MEF2A: variants seen among roughly 807,000 people sequenced by gnomAD.
The protein encoded by MEF2A is myocyte enhancer factor 2A.
Under a neutral mutation model 55.8 loss-of-function variants are expected in MEF2A, and 28 were observed. That is an observed-to-expected ratio of 0.50 (90% CI 0.37 to 0.69). The LOEUF is 0.69. MEF2A is among the 30% of genes least tolerant of loss of function. MEF2A has a pLI of 0.00. For missense variants in MEF2A, 528 were observed against 626.2 expected, an observed-to-expected ratio of 0.84 and a Z score of 1.67; for synonymous variants, 239 against 227.1, an observed-to-expected ratio of 1.05 and a Z score of -0.47.
chr15:99,606,926 A>G (rs979245209), intron 2 of MEF2A, among the ~76,000 whole-genome samples: 1 of 152,196 alleles, frequency 6.6e-6, no homozygotes, highest in African/African-American at 2.4e-5. Context: ...GATGTTCATC[A>G]TAGTTGGCTA....
intron 1 of MEF2A, among the ~76,000 whole-genome samples, chr15:99,587,964 A>C (rs923308045): frequency 2.0e-5 from 3 of 152,154 alleles, no homozygotes; most frequent in African/African-American, 7.2e-5. Context: ...TAAAATAGCA[A>C]TTAAAAATGG....
intron 4 of MEF2A, among the ~76,000 whole-genome samples, chr15:99,664,822 T>G (rs1056560801): frequency 2.0e-5 from 3 of 152,206 alleles, no homozygotes; most frequent in African/African-American, 7.2e-5. Flanking sequence ...GTTGGGATTA[T>G]AAATCTTCCA....
At chr15:99,708,123 C>T (rs1219742791) in intron 10 of MEF2A, among the ~76,000 whole-genome samples, 3 of 152,202 alleles carry the variant, frequency 2.0e-5, no homozygotes, top group Non-Finnish European at 2.9e-5. Context: ...AATTCTGTTT[C>T]GACGCATTGA....
At chr15:99,629,593 G>A (rs994909309) in intron 2 of MEF2A, among the ~76,000 whole-genome samples, 6 of 152,274 alleles carry the variant, frequency 3.9e-5, no homozygotes, top group African/African-American at 1.4e-4. Context: ...AGGAATGTGA[G>A]CTGGTACTGA....
At chr15:99,681,853 A>G (rs868807655) in intron 7 of MEF2A, 1 of 152,344 alleles carries the variant, frequency 6.6e-6, no homozygotes, top group Middle Eastern at 3.4e-3. Context: ...ATAAGTTGAG[A>G]TAACTCACTG....
rs192371975 is a variant in MEF2A at position 99,688,901 on chromosome 15, G to T, written c.671-1340G>T. On this transcript the variant is annotated intron_variant, in intron 7 of 11. Transcript: ENST00000557942. ...CACATCCAGTCACTGTGGTGAGCGA[G>T]AATGACCTGAGTCAAATGCCTATCA... Among the ~76,000 whole-genome samples, 16 of 152,300 alleles carry T rather than the reference G, an allele frequency of 1.1e-4. No homozygotes were observed. In the East Asian group the frequency reaches 2.9e-3, roughly 28 times the overall value.
intron 2 of MEF2A, among the ~76,000 whole-genome samples, chr15:99,599,990 C>T (rs1160758644): frequency 6.6e-6 from 1 of 152,074 alleles, no homozygotes; most frequent in East Asian, 1.9e-4. Context: ...ATATAAGAGA[C>T]TTGAGTGTCC....
At chr15:99,578,378 C>T (rs1246940762) in intron 1 of MEF2A, among the ~76,000 whole-genome samples, 11 of 152,138 alleles carry the variant, frequency 7.2e-5, no homozygotes, top group Admixed American at 3.9e-4. Flanking sequence ...GAGCTCTGTC[C>T]GGTTGGTTCC....
intron 8 of MEF2A, among the ~76,000 whole-genome samples, chr15:99,696,933 T>C (rs928650250): frequency 1.3e-5 from 2 of 151,958 alleles, no homozygotes; most frequent in African/African-American, 4.8e-5. Context: ...TTGAGCAATA[T>C]ATAAAAAGGA....
intron 1 of MEF2A, among the ~76,000 whole-genome samples, chr15:99,578,865 A>T (rs1965122388): frequency 6.6e-6 from 1 of 152,262 alleles, no homozygotes; most frequent in African/African-American, 2.4e-5. Flanking sequence ...GGTTTTAGAC[A>T]TGTTAAATCA....
At chr15:99,570,975 G>A (rs1478081212) in intron 1 of MEF2A, among the ~76,000 whole-genome samples, 1 of 151,882 alleles carries the variant, frequency 6.6e-6, no homozygotes. Context: ...ACCTGAGGTC[G>A]GGAGTTTGAG....
chr15:99,613,178 G>A (rs2039596582), intron 2 of MEF2A, among the ~76,000 whole-genome samples: 3 of 152,176 alleles, frequency 2.0e-5, no homozygotes, highest in South Asian at 4.1e-4. Context: ...AATCTGTGGA[G>A]CTTTTAAAAA....
At chr15:99,646,484 A>G (rs1238295578) in intron 4 of MEF2A, among the ~76,000 whole-genome samples, 1 of 151,828 alleles carries the variant, frequency 6.6e-6, no homozygotes, top group Non-Finnish European at 1.5e-5. Flanking sequence ...TCTTTTGTTT[A>G]TATTTGGAGG....
At chr15:99,704,664 A>G (rs1313474139) in intron 9 of MEF2A, among the ~76,000 whole-genome samples, 2 of 152,252 alleles carry the variant, frequency 1.3e-5, no homozygotes, top group Non-Finnish European at 2.9e-5. Flanking sequence ...TTTTGAAGAC[A>G]TGCCAGGAGA....
chr15:99,666,478 AATGTAG>A (rs2049747543), intron 4 of MEF2A, among the ~76,000 whole-genome samples: 1 of 151,872 alleles, frequency 6.6e-6, no homozygotes, highest in South Asian at 2.1e-4. Flanking sequence ...AGAAGTACGT[AATGTAG>A]ATGATGGGTT....
chr15:99,681,407 G>A (rs1312309769), intron 7 of MEF2A, among the ~76,000 whole-genome samples: 1 of 152,246 alleles, frequency 6.6e-6, no homozygotes. Flanking sequence ...ACAGCAGCAT[G>A]TCTGGGTGAA....
At chr15:99,594,620 T>G (rs1490430227) in intron 1 of MEF2A, among the ~76,000 whole-genome samples, 1 of 152,122 alleles carries the variant, frequency 6.6e-6, no homozygotes, top group African/African-American at 2.4e-5. Context: ...GCCTAGGTCT[T>G]TCTGATGACC....
At chr15:99,595,557 A>G (rs890222027) in intron 1 of MEF2A, among the ~76,000 whole-genome samples, 1 of 152,210 alleles carries the variant, frequency 6.6e-6, no homozygotes, top group Non-Finnish European at 1.5e-5. Flanking sequence ...AAAATTTTCC[A>G]AATGAATTAT....
chr15:99,585,372 T>A (rs1325615920), intron 1 of MEF2A, among the ~76,000 whole-genome samples: 3 of 152,232 alleles, frequency 2.0e-5, no homozygotes, highest in Non-Finnish European at 2.9e-5. Flanking sequence ...CTTCCTTAAA[T>A]GCTTGCTTGT....
Sources: allele counts gnomAD v4.1 joint callset (sites outside exome capture counted in the v4.1 genomes callset), GRCh38; gene constraint gnomAD v4.1.1; transcripts MANE v1.5; gene names NCBI Gene and HGNC (gene_info 2026-07-23, HGNC 2026-07-21).